Variants in SMAP1 observed in about 807,000 individuals in gnomAD.
The protein encoded by SMAP1 is stromal membrane-associated protein 1.
In SMAP1, 24 loss-of-function variants were observed where a neutral mutation model predicts 58.5. The ratio of observed to expected loss-of-function variants is 0.41; its 90% confidence interval spans 0.30 to 0.58. The LOEUF is 0.58. Ranked by LOEUF, SMAP1 falls within the 20% of genes least tolerant of loss-of-function variation. The pLI, the probability that SMAP1 is intolerant of heterozygous loss-of-function variation, is 0.29. For synonymous variants in SMAP1, 216 were observed against 196.6 expected, an observed-to-expected ratio of 1.10 and a Z score of -0.82; for missense variants, 563 against 566.3, an observed-to-expected ratio of 0.99 and a Z score of 0.06.
At chr6:70,802,218 C>T (rs930551101) in intron 6 of SMAP1, among the ~76,000 whole-genome samples, 22 of 152,022 alleles carry the variant, frequency 1.4e-4, no homozygotes, top group Non-Finnish European at 2.6e-4. Flanking sequence ...TTCTCCTTGA[C>T]GAGGTCCTTT....
chr6:70,743,686 A>C (rs1361813515), intron 2 of SMAP1, among the ~76,000 whole-genome samples: 3 of 152,186 alleles, frequency 2.0e-5, no homozygotes, highest in Non-Finnish European at 4.4e-5. Context: ...ACATTTCTCA[A>C]ATTAGGGCCT....
At position 70,679,450 on chromosome 6, in the gene SMAP1, A is replaced by G. The variant is rs116362819; in HGVS notation, c.118+11309A>G. On this transcript the variant is annotated intron_variant, in intron 1 of 10. Transcript: ENST00000370455. ...ACATGCATGCAAGAGTCATTTAACA[A>G]TCTCTTTGCAATGGGATCATTTATG... 6.0e-3 allele frequency among the ~76,000 whole-genome samples: 909 copies of G among 152,306 alleles called. 8 individuals are homozygous for G. The highest frequency in any genetic ancestry group is 0.021 in the African/African-American group (869 of 41,564).
chr6:70,725,825 T>G (rs994203164), intron 1 of SMAP1, among the ~76,000 whole-genome samples: 1 of 152,166 alleles, frequency 6.6e-6, no homozygotes, highest in African/African-American at 2.4e-5. Context: ...AGGAAAGAAA[T>G]AAAGCAAACT....
chr6:70,769,520 C>T (rs1582147631), intron 3 of SMAP1, among the ~76,000 whole-genome samples: 2 of 152,116 alleles, frequency 1.3e-5, no homozygotes, highest in African/African-American at 4.8e-5. Context: ...CCTTCTTTGT[C>T]TCTTTTGATC....
chr6:70,714,701 G>A (rs1768192243), intron 1 of SMAP1, among the ~76,000 whole-genome samples: 1 of 150,946 alleles, frequency 6.6e-6, no homozygotes, highest in Non-Finnish European at 1.5e-5. Context: ...ACTTTTTTTG[G>A]TATAAAAAAC....
chr6:70,824,390 A>G (rs1770024788), intron 6 of SMAP1, among the ~76,000 whole-genome samples: 1 of 152,156 alleles, frequency 6.6e-6, no homozygotes, highest in Admixed American at 6.5e-5. Flanking sequence ...CCAGTGCAAA[A>G]TGAAAATTAG....
At chr6:70,776,806 T>G (rs1156804378) in intron 4 of SMAP1, among the ~76,000 whole-genome samples, 2 of 152,218 alleles carry the variant, frequency 1.3e-5, no homozygotes, top group African/African-American at 4.8e-5. Flanking sequence ...TCCATGTTGC[T>G]GTGAATGGTA....
chr6:70,756,849 CT>C (rs540115895), intron 3 of SMAP1, among the ~76,000 whole-genome samples: 77 of 152,208 alleles, frequency 5.1e-4, no homozygotes, highest in African/African-American at 1.6e-3. Flanking sequence ...CTACAAACCA[CT>C]GCTCAAGGAA....
intron 1 of SMAP1, among the ~76,000 whole-genome samples, chr6:70,688,877 T>A (rs963650173): frequency 3.9e-5 from 6 of 152,166 alleles, no homozygotes; most frequent in African/African-American, 1.4e-4. Flanking sequence ...TTTTCTCATA[T>A]ATTGTTTCCT....
intron 3 of SMAP1, chr6:70,759,829 G>T (rs1331338655): frequency 4.6e-6 from 2 of 438,518 alleles, no homozygotes; most frequent in African/African-American, 4.0e-5. Flanking sequence ...TCGACACAGT[G>T]AAGATATAAT....
intron 1 of SMAP1, among the ~76,000 whole-genome samples, chr6:70,731,098 C>T (rs1765415339): frequency 6.6e-6 from 1 of 152,228 alleles, no homozygotes; most frequent in African/African-American, 2.4e-5. Context: ...CTGTGTCCAG[C>T]TACTTGATTT....
chr6:70,718,146 C>T (rs1022347378), intron 1 of SMAP1, among the ~76,000 whole-genome samples: 6 of 151,950 alleles, frequency 3.9e-5, no homozygotes, highest in Admixed American at 3.3e-4. Flanking sequence ...CAGGCATGCA[C>T]ACATGTGTAC....
chr6:70,696,333 A>G (rs1319686331), intron 1 of SMAP1, among the ~76,000 whole-genome samples: 1 of 151,814 alleles, frequency 6.6e-6, no homozygotes. Flanking sequence ...AAGCTACATC[A>G]TTATGTTGCT....
chr6:70,861,160 T>A lies in SMAP1; in HGVS notation c.*826T>A, dbSNP rs1771707670. 1 of 163,522 alleles carries A rather than the reference T, an allele frequency of 6.1e-6. No individual in the cohort carries two copies. Among genetic ancestry groups the A allele is most frequent in the Non-Finnish European group, 1.3e-5 (1 of 75,412 alleles). 10.1% of individuals were successfully genotyped at this position (163,522 alleles called of 1,614,324 possible). ...GTTATTTCCCTACATTAAACATGAC[T>A]CCATAGACCTTTTCATTTGTGGGTT... On this transcript the variant is annotated 3_prime_UTR_variant, in exon 11 of 11. Transcript: ENST00000370455.
chr6:70,671,111 A>G lies in SMAP1; in HGVS notation c.118+2970A>G, dbSNP rs546263919. ...CTTTAGGGAGCAGTGAGGACTGGGAATGCCTTGCCAGCTTCAAGTTTAGTT... is the reference window on the plus strand; with the variant it reads ...CTTTAGGGAGCAGTGAGGACTGGGAGTGCCTTGCCAGCTTCAAGTTTAGTT... On this transcript the variant is annotated intron_variant, in intron 1 of 10. Transcript: ENST00000370455. 7.2e-5 allele frequency among the ~76,000 whole-genome samples: 11 copies of G among 152,152 alleles called. No homozygotes were observed. In the East Asian group the frequency reaches 1.9e-3, roughly 27 times the overall value.
In SMAP1 at chr6:70,711,747, C is replaced by T. The variant is rs183899819; in HGVS notation, c.119-20631C>T. ...TTCACTATGTTGGCCAGGCTGGTCT[C>T]GAACTCCTGACCTCAGGTGATCCAC... is the stretch of plus-strand genomic sequence containing the variant. On this transcript the variant is annotated intron_variant, in intron 1 of 10. Transcript: ENST00000370455. Among the ~76,000 whole-genome samples the T allele has an allele frequency of 5.9e-5, 9 of 152,114 alleles. No individual in the cohort carries two copies. The East Asian group carries it at 1.6e-3, about 26-fold the overall frequency.
At chr6:70,737,673 A>G (rs1765668787) in intron 2 of SMAP1, among the ~76,000 whole-genome samples, 1 of 152,216 alleles carries the variant, frequency 6.6e-6, no homozygotes, top group African/African-American at 2.4e-5. Flanking sequence ...GGTGGCTTCC[A>G]CTATGCTAGG....
intron 2 of SMAP1, among the ~76,000 whole-genome samples, chr6:70,744,012 T>A (rs1365699075): frequency 6.6e-6 from 1 of 152,226 alleles, no homozygotes; most frequent in African/African-American, 2.4e-5. Flanking sequence ...TAAAAATTTT[T>A]AAGGTTAAAC....
At chr6:70,675,200 T>G (rs1215328875) in intron 1 of SMAP1, among the ~76,000 whole-genome samples, 1 of 5,152 alleles carries the variant, frequency 1.9e-4, no homozygotes, top group Non-Finnish European at 3.8e-4. Context: ...TATATAGTGT[T>G]TTTTTTTTTT....
Sources: allele counts gnomAD v4.1 joint callset (sites outside exome capture counted in the v4.1 genomes callset), GRCh38; gene constraint gnomAD v4.1.1; transcripts MANE v1.5; gene names NCBI Gene and HGNC (gene_info 2026-07-23, HGNC 2026-07-21).